The following TFG variants were observed in gnomAD, a reference collection of about 807,000 sequenced individuals.
TFG encodes the protein trafficking from ER to golgi regulator, also known as protein TFG.
A neutral mutation model predicts 51.4 loss-of-function variants in TFG; 22 were observed. The observed-to-expected ratio is 0.43, with a 90% CI of 0.31 to 0.61. TFG has a LOEUF of 0.61. Ranked by LOEUF, TFG falls within the 20% of genes least tolerant of loss-of-function variation. The pLI, the probability that TFG is intolerant of heterozygous loss-of-function variation, is 0.12. For missense variants in TFG, 419 were observed against 487.7 expected (o/e 0.86, Z 1.33); for synonymous variants, 187 against 165.6 (o/e 1.13, Z -0.99).
At chr3:100,743,574 T>A (rs1212717041) in intron 6 of TFG, 1 of 152,186 alleles carries the variant, frequency 6.6e-6, no homozygotes, top group Non-Finnish European at 1.5e-5. Context: ...CTTAAAATAG[T>A]TGAGCTGATT....
chr3:100,729,345 A>G (rs961993510), intron 4 of TFG, among the ~76,000 whole-genome samples: 3 of 152,184 alleles, frequency 2.0e-5, no homozygotes, highest in Non-Finnish European at 4.4e-5. Flanking sequence ...TAAATTTGAA[A>G]CACAGTTTTT....
intron 2 of TFG, among the ~76,000 whole-genome samples, chr3:100,717,596 T>G (rs2095049806): frequency 3.7e-5 from 3 of 81,226 alleles, no homozygotes; most frequent in Non-Finnish European, 8.8e-5. Flanking sequence ...TTTTTTTTTG[T>G]AGAGGTTTTT....
At chr3:100,731,054 T>C (rs2095090217) in intron 4 of TFG, among the ~76,000 whole-genome samples, 2 of 152,204 alleles carry the variant, frequency 1.3e-5, no homozygotes, top group Non-Finnish European at 2.9e-5. Context: ...ATGTTAGGAA[T>C]GAATGAGCTG....
chr3:100,738,092 A>C (rs2095111597), intron 6 of TFG, among the ~76,000 whole-genome samples: 1 of 152,172 alleles, frequency 6.6e-6, no homozygotes, highest in South Asian at 2.1e-4. Context: ...AGCCAAAAAA[A>C]AAAAAATCCA....
chr3:100,714,958 C>G (rs564998300), intron 2 of TFG, among the ~76,000 whole-genome samples: 3 of 152,272 alleles, frequency 2.0e-5, no homozygotes, highest in South Asian at 4.1e-4. Context: ...GTTAATATCT[C>G]TGCTGAAATT....
chr3:100,739,932 C>T (rs1462803244), intron 6 of TFG, among the ~76,000 whole-genome samples: 1 of 152,070 alleles, frequency 6.6e-6, no homozygotes, highest in African/African-American at 2.4e-5. Flanking sequence ...GATTACAGCT[C>T]ACCTGCAACC....
At chr3:100,740,311 T>C (rs2095117904) in intron 6 of TFG, among the ~76,000 whole-genome samples, 1 of 152,184 alleles carries the variant, frequency 6.6e-6, no homozygotes, top group East Asian at 1.9e-4. Context: ...CAGTTAAAAA[T>C]GGCTGCTGGG....
At chr3:100,724,021 T>A (rs918379296) in intron 3 of TFG, among the ~76,000 whole-genome samples, 1 of 152,110 alleles carries the variant, frequency 6.6e-6, no homozygotes, top group African/African-American at 2.4e-5. Flanking sequence ...TGGTTTTAAA[T>A]AAGTCAAAGA....
chr3:100,733,475 C>T (rs958975699), intron 5 of TFG, among the ~76,000 whole-genome samples: 44 of 152,098 alleles, frequency 2.9e-4, no homozygotes, highest in African/African-American at 8.9e-4. Flanking sequence ...TTCATTAAGT[C>T]TATATTTTCC....
intron 2 of TFG, among the ~76,000 whole-genome samples, chr3:100,714,353 T>G (rs1455324010): frequency 6.6e-6 from 1 of 151,942 alleles, no homozygotes; most frequent in East Asian, 1.9e-4. Flanking sequence ...TACCAAAAAT[T>G]AGCTGGGCGT....
rs146808807 is a variant in TFG, at chr3:100,724,309, ATTAG to A, written c.268+4255_268+4258del. 2.7e-4 allele frequency among the ~76,000 whole-genome samples: 41 copies of A among 152,334 alleles called. No homozygotes were observed. The East Asian group carries it at 7.9e-3, about 29-fold the overall frequency. On this transcript the variant is annotated intron_variant, in intron 3 of 7. Coordinates refer to ENST00000240851, the MANE Select transcript of TFG (RefSeq NM_006070.6). ...ATGCAGTTGGCAAATCTTTATGAGG[ATTAG>A]TTAAGGAGAAACAAGGCACAAATAA...
At chr3:100,717,711 ACTT>A (rs2095050244) in intron 2 of TFG, among the ~76,000 whole-genome samples, 1 of 151,390 alleles carries the variant, frequency 6.6e-6, no homozygotes, top group South Asian at 2.1e-4. Context: ...TAGAAACACT[ACTT>A]ATTTTTGTGT....
intron 7 of TFG, among the ~76,000 whole-genome samples, chr3:100,746,821 A>C (rs1330847858): frequency 6.6e-6 from 1 of 152,196 alleles, no homozygotes; most frequent in Admixed American, 6.5e-5. Flanking sequence ...CGCAGTGTTA[A>C]AATGAATAGG....
At chr3:100,715,377 A>G (rs2095042817) in intron 2 of TFG, among the ~76,000 whole-genome samples, 1 of 152,216 alleles carries the variant, frequency 6.6e-6, no homozygotes, top group African/African-American at 2.4e-5. Context: ...ATGGTGTTGT[A>G]TGTCATTTCT....
chr3:100,740,997 G>A lies in TFG; in HGVS notation c.722-3836G>A, dbSNP rs1204535277. On this transcript the variant is annotated intron_variant, in intron 6 of 7. Coordinates refer to ENST00000240851, the MANE Select transcript of TFG (RefSeq NM_006070.6). ...TAATGTAGCACAAGGCATTACTTAC[G>A]TGTTTGTGGTGATTCTGGTGTAAAC... Among the ~76,000 whole-genome samples, 3 of 152,204 alleles carry A rather than the reference G, an allele frequency of 2.0e-5. No individual in the cohort carries two copies. The South Asian group carries it at 6.2e-4, about 32-fold the overall frequency.
chr3:100,731,559 A>G (rs967800618), intron 4 of TFG, among the ~76,000 whole-genome samples: 3 of 152,188 alleles, frequency 2.0e-5, no homozygotes, highest in Admixed American at 2.0e-4. Context: ...TTACCAACTT[A>G]TAGTATCATA....
intron 3 of TFG, among the ~76,000 whole-genome samples, chr3:100,720,800 T>A (rs1014179534): frequency 1.3e-5 from 2 of 152,216 alleles, no homozygotes; most frequent in Admixed American, 1.3e-4. Context: ...TTCTTTTAGA[T>A]CTTAATAGAT....
At chr3:100,712,674 CAT>C (rs1454406507) in intron 1 of TFG, among the ~76,000 whole-genome samples, 5 of 152,130 alleles carry the variant, frequency 3.3e-5, no homozygotes, top group Non-Finnish European at 7.3e-5. Context: ...ATATGGAAAA[CAT>C]AATCGTTTAC....
At chr3:100,729,350 G>C (rs1294314415) in intron 4 of TFG, among the ~76,000 whole-genome samples, 4 of 152,150 alleles carry the variant, frequency 2.6e-5, no homozygotes, top group Admixed American at 6.5e-5. Flanking sequence ...TTGAAACACA[G>C]TTTTTAATAA....
Sources: gnomAD v4.1 joint callset for allele counts (sites outside exome capture counted in the v4.1 genomes callset) on GRCh38, gnomAD v4.1.1 for gene constraint, MANE v1.5 for transcripts, NCBI Gene and HGNC (gene_info 2026-07-23, HGNC 2026-07-21) for gene names.